The following PHLDB2 variants were observed in gnomAD, a reference collection of about 807,000 sequenced individuals.
PHLDB2 encodes the protein pleckstrin homology like domain family B member 2.
A neutral mutation model predicts 123.6 loss-of-function variants in PHLDB2; 71 were observed. The observed-to-expected ratio is 0.57, with a 90% CI of 0.47 to 0.70. The LOEUF is 0.70. Among genes scored for constraint, PHLDB2 ranks in the 30% least tolerant of loss-of-function variants. The pLI, the probability that PHLDB2 is intolerant of heterozygous loss-of-function variation, is 0.00. For synonymous variants in PHLDB2, 547 were observed against 541.6 expected, an observed-to-expected ratio of 1.01 and a Z score of -0.14; for missense variants, 1,446 against 1,519.5, an observed-to-expected ratio of 0.95 and a Z score of 0.80.
At chr3:111,965,806 C>T (rs1181642541) in intron 13 of PHLDB2, among the ~76,000 whole-genome samples, 1 of 152,166 alleles carries the variant, frequency 6.6e-6, no homozygotes, top group Non-Finnish European at 1.5e-5. Flanking sequence ...AGAATGTAAG[C>T]GGTGGAAAAT....
chr3:111,963,095 A>G (rs1201979752), intron 13 of PHLDB2, among the ~76,000 whole-genome samples: 2 of 152,172 alleles, frequency 1.3e-5, no homozygotes, highest in Non-Finnish European at 2.9e-5. Context: ...GTTTGTATTT[A>G]TACTTTGAGA....
chr3:111,741,159 A>G (rs1051611056), intron 1 of PHLDB2, among the ~76,000 whole-genome samples: 6 of 152,206 alleles, frequency 3.9e-5, no homozygotes, highest in African/African-American at 7.2e-5. Context: ...AAAGAGTTTC[A>G]GAGCATGAGG....
chr3:111,945,239 T>C (rs1208769998), intron 8 of PHLDB2, 29 bp from the exon 9 acceptor site: 1 of 1,504,772 alleles, frequency 6.6e-7, no homozygotes, highest in Admixed American at 1.8e-5. Context: ...GGTTGACTTT[T>C]AAGTTTAATA....
chr3:111,780,513 C>G lies in PHLDB2; in HGVS notation c.-49+47810C>G, dbSNP rs569981009. ...CCCTCACTGGTGCCAGTGCCATGCTCTTAGACTTCTCAGCCTCCAGAACCA... is the reference window on the plus strand; with the variant it reads ...CCCTCACTGGTGCCAGTGCCATGCTGTTAGACTTCTCAGCCTCCAGAACCA... On this transcript the variant is annotated intron_variant, in intron 1 of 17. Coordinates refer to the PHLDB2 transcript ENST00000393923. 5.3e-5 allele frequency among the ~76,000 whole-genome samples: 8 copies of G among 151,748 alleles called. No homozygotes were observed. The South Asian group carries it at 1.7e-3, about 32-fold the overall frequency.
chr3:111,894,360 G>A (rs976166417), intron 2 of PHLDB2, among the ~76,000 whole-genome samples: 214 of 151,748 alleles, frequency 1.4e-3, no homozygotes, highest in African/African-American at 4.7e-3. Flanking sequence ...GAGTAATGCC[G>A]CAATAAACAT....
intron 1 of PHLDB2, among the ~76,000 whole-genome samples, chr3:111,799,571 T>A (rs1045462209): frequency 2.0e-5 from 3 of 152,110 alleles, no homozygotes; most frequent in Non-Finnish European, 2.9e-5. Context: ...TAAAGGAAGG[T>A]GAGGGAGAAG....
Position 111,949,038 on chromosome 3 carries a change from C to T in PHLDB2, c.2594C>T (p.Ala865Val), listed in dbSNP as rs748632596. The T allele has an allele frequency of 6.2e-7, 1 of 1,613,882 alleles. No homozygotes were observed. Among genetic ancestry groups the T allele is most frequent in the Non-Finnish European group, 8.5e-7 (1 of 1,179,950 alleles). The change falls in exon 10 of 18, where the codon GCC (alanine) becomes GTC (valine). Residue 865 changes from alanine to valine, a missense_variant. By Grantham distance (64) the Ala-to-Val change is moderately conservative. Coordinates refer to ENST00000431670, the MANE Select transcript of PHLDB2 (RefSeq NM_001134438.2). ...GCTGATGCTGTTGCCACTGAGCCTG[C>T]CACAGCTGTGCTGGCGAGCCAGCCA... Reference protein sequence around the residue: ...ADADAVATEPATAVLASQPQS... With the variant: ...ADADAVATEPVTAVLASQPQS...
At chr3:111,872,573 A>G (rs1365817835) in intron 1 of PHLDB2, among the ~76,000 whole-genome samples, 1 of 152,064 alleles carries the variant, frequency 6.6e-6, no homozygotes, top group Non-Finnish European at 1.5e-5. Flanking sequence ...ATTAAAACCA[A>G]ACTCTTACTG....
intron 2 of PHLDB2, among the ~76,000 whole-genome samples, chr3:111,897,943 C>T (rs2066963975): frequency 6.6e-6 from 1 of 152,176 alleles, no homozygotes; most frequent in Non-Finnish European, 1.5e-5. Flanking sequence ...GTTATGTTTA[C>T]ACTATACTGT....
Position 111,967,827 on chromosome 3 carries a change from T to C in PHLDB2, c.3315+3T>C, listed in dbSNP as rs1244922945. The stretch of plus-strand genomic sequence containing the variant: ...TAAGGGAGAGACAAAGGGCACAGGT[T>C]GGTCGGTCAATCTGAATGCATATGG... On this transcript the variant is annotated splice_donor_region_variant and intron_variant, in intron 15 of 17. Coordinates refer to ENST00000431670, the MANE Select transcript of PHLDB2 (RefSeq NM_001134438.2). 6.2e-7 allele frequency: 1 copy of C among 1,604,472 alleles called. No individual in the cohort carries two copies. The highest frequency in any genetic ancestry group is 1.7e-5 in the Admixed American group (1 of 57,692).
intron 2 of PHLDB2, chr3:111,911,580 A>T (rs2067883473): frequency 2.0e-6 from 3 of 1,526,088 alleles, no homozygotes; most frequent in Non-Finnish European, 2.6e-6. Context: ...GAAACTGAAG[A>T]GATAAATAAG....
Position 111,949,848 on chromosome 3 carries a change from A to C in PHLDB2, c.2631+773A>C, listed in dbSNP as rs1202967985. 5.1e-6 allele frequency: 5 copies of C among 986,014 alleles called. No individual in the cohort carries two copies. The African/African-American group carries it at 8.7e-5, about 17-fold the overall frequency. 61.1% of individuals were successfully genotyped at this position (986,014 alleles called of 1,614,324 possible). ...TAAATGACACACCTCCTCCTTTACCAGCTAAGAAACACAGAAGGCAGCAGC... is the reference window on the plus strand; with the variant it reads ...TAAATGACACACCTCCTCCTTTACCCGCTAAGAAACACAGAAGGCAGCAGC... On this transcript the variant is annotated intron_variant, in intron 10 of 17. Coordinates refer to ENST00000431670, the MANE Select transcript of PHLDB2 (RefSeq NM_001134438.2).
intron 10 of PHLDB2, among the ~76,000 whole-genome samples, chr3:111,952,356 T>A (rs571207278): frequency 2.0e-4 from 30 of 152,336 alleles, no homozygotes; most frequent in African/African-American, 7.2e-4. Context: ...TGGAATTTTT[T>A]AAAGATTTCT....
intron 1 of PHLDB2, chr3:111,859,805 TGGGCGGGGGCAAAGGCTAGGCGCTA>T: frequency 1.0e-6 from 1 of 971,792 alleles, no homozygotes; most frequent in Non-Finnish European, 1.2e-6. Flanking sequence ...GGAGACAGGG[TGGGCGGGGGCAAAGGCTAGGCGCTA>T]GGGCGGCGGC....
At chr3:111,817,608 T>C (rs561311709) in intron 1 of PHLDB2, among the ~76,000 whole-genome samples, 68 of 152,312 alleles carry the variant, frequency 4.5e-4, no homozygotes, top group African/African-American at 1.6e-3. Context: ...ACCAAAATTA[T>C]TTTCCCATAT....
At chr3:111,900,836 C>T (rs531056715) in intron 2 of PHLDB2, among the ~76,000 whole-genome samples, 1 of 152,220 alleles carries the variant, frequency 6.6e-6, no homozygotes, top group South Asian at 2.1e-4. Context: ...ATGAGATATG[C>T]CTGTAGTTAC....
At chr3:111,842,986 T>C (rs748927447) in intron 1 of PHLDB2, among the ~76,000 whole-genome samples, 3 of 152,258 alleles carry the variant, frequency 2.0e-5, no homozygotes. Flanking sequence ...TAAATCACGC[T>C]TTATCCATTC....
intron 15 of PHLDB2, 64 bp downstream of exon 15, chr3:111,967,888 G>A (rs2071881520): frequency 7.2e-7 from 1 of 1,391,914 alleles, no homozygotes; most frequent in Middle Eastern, 2.0e-4. Context: ...CTAGAAGACA[G>A]CTGTTCTGTG....
At chr3:111,856,276 G>C (rs1462890112), upstream of PHLDB2, among the ~76,000 whole-genome samples, 1 of 152,172 alleles carries the variant, frequency 6.6e-6, no homozygotes, top group African/African-American at 2.4e-5. Context: ...TCATTATACA[G>C]AAATATCCCC....
Sources: gnomAD v4.1 joint callset for allele counts (sites outside exome capture counted in the v4.1 genomes callset) on GRCh38, gnomAD v4.1.1 for gene constraint, MANE v1.5 for transcripts, NCBI Gene and HGNC (gene_info 2026-07-23, HGNC 2026-07-21) for gene names.